KCTD8: variants seen among roughly 807,000 people sequenced by gnomAD.
The protein encoded by KCTD8 is potassium channel tetramerization domain containing 8.
Under a neutral mutation model 31.5 loss-of-function variants are expected in KCTD8, and 27 were observed. That is an observed-to-expected ratio of 0.86 (90% CI 0.63 to 1.18). KCTD8 has a LOEUF of 1.18. Ranked by LOEUF, KCTD8 falls within the 50% of genes most tolerant of loss-of-function variation. The pLI, the probability that KCTD8 is intolerant of heterozygous loss-of-function variation, is 0.00. For missense variants in KCTD8, 658 were observed against 647.7 expected (o/e 1.02, Z -0.17); for synonymous variants, 290 against 280.0 (o/e 1.04, Z -0.36).
chr4:44,209,831 C>CA (rs1324292835), intron 1 of KCTD8, among the ~76,000 whole-genome samples: 3 of 151,914 alleles, frequency 2.0e-5, no homozygotes, highest in South Asian at 2.1e-4. Context: ...AAGCAAAAAA[C>CA]AAAAAATACA....
In KCTD8 at chr4:44,365,520, C is replaced by T. The variant is rs989982583; in HGVS notation, c.961+82043G>A. Among the ~76,000 whole-genome samples the T allele has an allele frequency of 5.3e-5, 8 of 152,064 alleles. No homozygotes were observed. In the East Asian group the frequency reaches 1.2e-3, roughly 22 times the overall value. ...GAATAGAATACGGAAATGTTGAGAA[C>T]AATGACATTAAGTAAAAAAAACAAG... On this transcript the variant is annotated intron_variant, in intron 1 of 1. Transcript: ENST00000360029.
Position 44,448,397 on chromosome 4 carries a change from G to A in KCTD8, c.127C>T (p.Pro43Ser). Reference protein sequence around the residue: ...APGPCAPSPFPEVVELNVGGQ... With the variant: ...APGPCAPSPFSEVVELNVGGQ... ...CCTACGTTCAGCTCCACTACTTCAG[G>A]GAAGGGCGAGGGTGCGCAGGGCCCC... Residue 43 changes from proline (P) to serine (S), a missense_variant, in exon 1 of 2, where the codon CCT (proline) becomes TCT (serine). Transcript: ENST00000360029. The surrounding 1 kb of genome is among the most constrained non-coding windows in gnomAD (Gnocchi z 4.1). 2 of 1,583,564 alleles carry A rather than the reference G, an allele frequency of 1.3e-6. No homozygotes were observed. Among genetic ancestry groups the A allele is most frequent in the Non-Finnish European group, 8.6e-7 (1 of 1,168,760 alleles).
intron 1 of KCTD8, among the ~76,000 whole-genome samples, chr4:44,199,414 G>C (rs1714063055): frequency 6.6e-6 from 1 of 152,028 alleles, no homozygotes; most frequent in Non-Finnish European, 1.5e-5. Context: ...CATATAGCAA[G>C]TCTGAGTAAA....
intron 1 of KCTD8, among the ~76,000 whole-genome samples, chr4:44,199,589 A>T (rs1714070204): frequency 6.6e-6 from 1 of 152,138 alleles, no homozygotes; most frequent in Non-Finnish European, 1.5e-5. Context: ...ATAGATCAAA[A>T]CATTTTTTGA....
At chr4:44,423,454 G>A (rs1721271039) in intron 1 of KCTD8, among the ~76,000 whole-genome samples, 1 of 152,050 alleles carries the variant, frequency 6.6e-6, no homozygotes, top group African/African-American at 2.4e-5. Flanking sequence ...AGAGCTTCTT[G>A]GCAGTTCATT....
At chr4:44,359,303 T>C (rs1295250768) in intron 1 of KCTD8, among the ~76,000 whole-genome samples, 1 of 152,118 alleles carries the variant, frequency 6.6e-6, no homozygotes. Context: ...CACTGTTGCT[T>C]CTTCTATTAA....
chr4:44,304,660 T>C (rs1449284878), intron 1 of KCTD8, among the ~76,000 whole-genome samples: 1 of 152,144 alleles, frequency 6.6e-6, no homozygotes, highest in African/African-American at 2.4e-5. Context: ...AATTAAATTA[T>C]AGGATATAAT....
intron 1 of KCTD8, among the ~76,000 whole-genome samples, chr4:44,320,396 G>A (rs1399826547): frequency 6.6e-6 from 1 of 152,042 alleles, no homozygotes; most frequent in Admixed American, 6.6e-5. Flanking sequence ...ACTTTAAAGA[G>A]GGATATTTTG....
chr4:44,315,895 GT>G (rs1049706186), intron 1 of KCTD8, among the ~76,000 whole-genome samples: 2 of 151,996 alleles, frequency 1.3e-5, no homozygotes, highest in Non-Finnish European at 2.9e-5. Flanking sequence ...TAGTTTTAAG[GT>G]TTTTCTCTTT....
At chr4:44,206,690 T>C (rs919098562) in intron 1 of KCTD8, among the ~76,000 whole-genome samples, 5 of 152,158 alleles carry the variant, frequency 3.3e-5, no homozygotes, top group Non-Finnish European at 5.9e-5. Flanking sequence ...TGAAAGCTTC[T>C]ATTTAGAAGG....
chr4:44,179,237 G>A (rs1405403222), intron 1 of KCTD8, among the ~76,000 whole-genome samples: 1 of 149,982 alleles, frequency 6.7e-6, no homozygotes, highest in South Asian at 2.1e-4. Flanking sequence ...CCTCCCTCTT[G>A]TCTTTCCAAT....
At chr4:44,241,075 C>T (rs1386776437) in intron 1 of KCTD8, among the ~76,000 whole-genome samples, 1 of 152,206 alleles carries the variant, frequency 6.6e-6, no homozygotes, top group African/African-American at 2.4e-5. Flanking sequence ...CTCAGTGTCA[C>T]ACTGTCTGTC....
At chr4:44,433,631 A>C (rs16856919) in intron 1 of KCTD8, among the ~76,000 whole-genome samples, 45,668 of 151,584 alleles carry the variant, frequency 0.3, 7,829 homozygotes, top group African/African-American at 0.47. Context: ...TTCACTAGAT[A>C]CAGTCTCTTC....
At chr4:44,225,481 G>A (rs1459151718) in intron 1 of KCTD8, among the ~76,000 whole-genome samples, 2 of 152,154 alleles carry the variant, frequency 1.3e-5, no homozygotes, top group Non-Finnish European at 2.9e-5. Flanking sequence ...TACAGACTAT[G>A]GAGTATAAGC....
At chr4:44,198,769 G>A (rs1253764009) in intron 1 of KCTD8, among the ~76,000 whole-genome samples, 1 of 151,956 alleles carries the variant, frequency 6.6e-6, no homozygotes, top group Non-Finnish European at 1.5e-5. Flanking sequence ...AAACAACCAG[G>A]TTACAAGATG....
At chr4:44,375,830 T>G (rs531600858) in intron 1 of KCTD8, among the ~76,000 whole-genome samples, 1 of 152,280 alleles carries the variant, frequency 6.6e-6, no homozygotes, top group African/African-American at 2.4e-5. Context: ...GTCTTTACTT[T>G]AAGGGATTAT....
At chr4:44,347,340 A>G (rs1719060519) in intron 1 of KCTD8, among the ~76,000 whole-genome samples, 1 of 152,184 alleles carries the variant, frequency 6.6e-6, no homozygotes, top group African/African-American at 2.4e-5. Flanking sequence ...CAGTTCTTCA[A>G]TATTACCAAT....
intron 1 of KCTD8, among the ~76,000 whole-genome samples, chr4:44,285,972 A>C (rs1247566249): frequency 4.6e-5 from 7 of 152,158 alleles, no homozygotes; most frequent in African/African-American, 1.4e-4. Flanking sequence ...ATTTAAATAG[A>C]TTAAATTAAC....
chr4:44,391,265 C>T (rs1720362936), intron 1 of KCTD8, among the ~76,000 whole-genome samples: 1 of 151,858 alleles, frequency 6.6e-6, no homozygotes, highest in African/African-American at 2.4e-5. Flanking sequence ...TCTCAGAAAT[C>T]ACCACTAAAT....
Sources: gnomAD v4.1 joint callset for allele counts (sites outside exome capture counted in the v4.1 genomes callset) on GRCh38, gnomAD v4.1.1 for gene constraint, Gnocchi (gnomAD v3.1) non-coding constraint, MANE v1.5 for transcripts, NCBI Gene and HGNC (gene_info 2026-07-23, HGNC 2026-07-21) for gene names.